Variants in PITPNC1 observed in about 807,000 individuals in gnomAD.
PITPNC1 encodes the protein phosphatidylinositol transfer protein cytoplasmic 1.
A neutral mutation model predicts 44.7 loss-of-function variants in PITPNC1; 18 were observed. The observed-to-expected ratio is 0.40, with a 90% CI of 0.28 to 0.60. The LOEUF (loss-of-function observed/expected upper bound fraction) is 0.60, where lower values mean the gene tolerates loss of function less well. Ranked by LOEUF, PITPNC1 falls within the 20% of genes least tolerant of loss-of-function variation. The pLI is 0.39. For missense variants in PITPNC1, 290 were observed against 418.4 expected, an observed-to-expected ratio of 0.69 and a Z score of 2.68; for synonymous variants, 141 against 149.6, an observed-to-expected ratio of 0.94 and a Z score of 0.42.
rs560543844 is a variant in PITPNC1 at position 67,470,640 on chromosome 17, C to T, written c.49-62162C>T. Among the ~76,000 whole-genome samples the T allele has an allele frequency of 7.2e-5, 11 of 152,136 alleles. No individual in the cohort carries two copies. In the South Asian group the frequency reaches 1.7e-3, roughly 23 times the overall value. On this transcript the variant is annotated intron_variant, in intron 1 of 8. Transcript: ENST00000581322. ...CCGGGAGGTGAGGGGCACCTCTGCC[C>T]GGCCGCCCCTACTGGGAAGTGAGGA...
chr17:67,454,521 T>C (rs1214938033), intron 1 of PITPNC1, among the ~76,000 whole-genome samples: 1 of 152,194 alleles, frequency 6.6e-6, no homozygotes, highest in Non-Finnish European at 1.5e-5. Flanking sequence ...AAAACCATTC[T>C]TAAGTCATGG....
chr17:67,395,201 T>C (rs1000961004), intron 1 of PITPNC1, among the ~76,000 whole-genome samples: 1 of 151,396 alleles, frequency 6.6e-6, no homozygotes, highest in East Asian at 1.9e-4. Flanking sequence ...AGGGTCCCAC[T>C]CTGTTGCCCA....
chr17:67,650,260 A>C (rs1242953380), intron 6 of PITPNC1, among the ~76,000 whole-genome samples: 1 of 152,110 alleles, frequency 6.6e-6, no homozygotes, highest in Non-Finnish European at 1.5e-5. Flanking sequence ...TGAGAAAGCG[A>C]ATCTGAAGTG....
intron 1 of PITPNC1, among the ~76,000 whole-genome samples, chr17:67,454,096 C>CA (rs1454446964): frequency 6.6e-6 from 1 of 152,006 alleles, no homozygotes; most frequent in Admixed American, 6.6e-5. Flanking sequence ...ACTAAAAATA[C>CA]AAAAATTACC....
intron 5 of PITPNC1, among the ~76,000 whole-genome samples, chr17:67,592,652 T>A (rs966529137): frequency 1.3e-5 from 2 of 152,244 alleles, no homozygotes; most frequent in East Asian, 3.8e-4. Context: ...GTGAATTTGA[T>A]ACATAATAGA....
At chr17:67,539,285 C>T (rs2040571498) in intron 2 of PITPNC1, among the ~76,000 whole-genome samples, 1 of 152,150 alleles carries the variant, frequency 6.6e-6, no homozygotes, top group Admixed American at 6.5e-5. Flanking sequence ...AACATATATA[C>T]ATTCCACTTA....
intron 1 of PITPNC1, among the ~76,000 whole-genome samples, chr17:67,503,706 T>C (rs1043267304): frequency 6.6e-6 from 1 of 151,990 alleles, no homozygotes; most frequent in Non-Finnish European, 1.5e-5. Context: ...GTGTGGATGA[T>C]TTTAGGGAGG....
intron 1 of PITPNC1, among the ~76,000 whole-genome samples, chr17:67,523,762 A>T (rs1446642993): frequency 6.7e-6 from 1 of 150,252 alleles, no homozygotes; most frequent in Non-Finnish European, 1.5e-5. Context: ...ATGCAACCCT[A>T]ATTACTAGTG....
intron 6 of PITPNC1, among the ~76,000 whole-genome samples, chr17:67,667,490 CAAAAAAAAA>C (rs71139168): frequency 9.3e-6 from 1 of 107,644 alleles, no homozygotes; most frequent in Non-Finnish European, 1.8e-5. Flanking sequence ...GATCCTTTCT[CAAAAAAAAA>C]AAAAAAAAAG....
intron 2 of PITPNC1, among the ~76,000 whole-genome samples, chr17:67,534,850 T>C (rs548131527): frequency 4.5e-4 from 69 of 152,268 alleles, no homozygotes; most frequent in African/African-American, 1.4e-3. Flanking sequence ...GTTTATTCAC[T>C]GACACCAGTG....
chr17:67,452,559 C>G (rs1309969501), intron 1 of PITPNC1, among the ~76,000 whole-genome samples: 2 of 145,346 alleles, frequency 1.4e-5, no homozygotes, highest in Non-Finnish European at 1.5e-5. Context: ...TGTCGCCAGG[C>G]TGGAGTCACT....
At chr17:67,468,099 A>C (rs961605590) in intron 1 of PITPNC1, among the ~76,000 whole-genome samples, 4 of 152,204 alleles carry the variant, frequency 2.6e-5, no homozygotes, top group African/African-American at 4.8e-5. Flanking sequence ...AACCATTATA[A>C]AAGAAACTAG....
At chr17:67,532,738 T>G (rs2144128642) in intron 1 of PITPNC1, 64 bp from the exon 2 acceptor site, 1 of 1,354,908 alleles carries the variant, frequency 7.4e-7, no homozygotes, top group Non-Finnish European at 1.0e-6. Flanking sequence ...CAAGCTATGG[T>G]TGGAGGGGGA....
At chr17:67,638,229 G>A (rs2042055490) in intron 6 of PITPNC1, 1 of 152,282 alleles carries the variant, frequency 6.6e-6, no homozygotes, top group Non-Finnish European at 1.5e-5. Flanking sequence ...ATACCCGCAA[G>A]GCTGAGTTGG....
intron 1 of PITPNC1, among the ~76,000 whole-genome samples, chr17:67,409,335 C>G (rs571248248): frequency 1.3e-5 from 2 of 151,884 alleles, no homozygotes; most frequent in Admixed American, 6.6e-5. Flanking sequence ...CCACCCGCCT[C>G]GGCCTCCCAA....
At chr17:67,470,808 CTG>C (rs1158977962) in intron 1 of PITPNC1, among the ~76,000 whole-genome samples, 2 of 149,882 alleles carry the variant, frequency 1.3e-5, no homozygotes, top group African/African-American at 4.9e-5. Context: ...GTTGCCGTGT[CTG>C]TGTAGAAAGA....
chr17:67,608,630 A>G (rs1401338380), intron 5 of PITPNC1, among the ~76,000 whole-genome samples: 4 of 149,784 alleles, frequency 2.7e-5, no homozygotes, highest in African/African-American at 9.9e-5. Context: ...AGCTGGGACT[A>G]CAGGCATGCA....
At position 67,532,908 on chromosome 17, in the gene PITPNC1, A is replaced by G. The variant is rs1448440221; in HGVS notation, c.155A>G (p.His52Arg). 1 of 1,610,846 alleles carries G rather than the reference A, an allele frequency of 6.2e-7. No individual in the cohort carries two copies. Among genetic ancestry groups the G allele is most frequent in the East Asian group, 2.2e-5 (1 of 44,834 alleles). ...AATGAGCCCTTTGAGGACCCTCACC[A>G]TGGCAATGGGCAGTTCACCGAGAAG... ...VQNEPFEDPHHGNGQFTEKRV... is the reference protein window; with the variant it reads ...VQNEPFEDPHRGNGQFTEKRV... Residue 52 changes from histidine to arginine, a missense_variant, in exon 2 of 9, where the codon CAT becomes CGT. His to Arg is a conservative substitution (Grantham distance 29). Transcript: ENST00000581322.
chr17:67,484,106 C>T (rs769344506), intron 1 of PITPNC1, among the ~76,000 whole-genome samples: 31 of 151,932 alleles, frequency 2.0e-4, no homozygotes, highest in South Asian at 4.2e-4. Flanking sequence ...TTAGTAGAGA[C>T]GGGGTTTCTC....
Sources: allele counts gnomAD v4.1 joint callset (sites outside exome capture counted in the v4.1 genomes callset), GRCh38; gene constraint gnomAD v4.1.1; transcripts MANE v1.5; gene names NCBI Gene and HGNC (gene_info 2026-07-23, HGNC 2026-07-21).